Variants in SETD2 observed in about 807,000 individuals in gnomAD.
SETD2 encodes the protein histone-lysine N-methyltransferase SETD2.
Under a neutral mutation model 242.1 loss-of-function variants are expected in SETD2, and 31 were observed. That is an observed-to-expected ratio of 0.13 (90% CI 0.10 to 0.17). The LOEUF is 0.17. Among genes scored for constraint, SETD2 ranks in the 10% least tolerant of loss-of-function variants. The pLI is 1.00. For synonymous variants in SETD2, 1,006 were observed against 1,066.5 expected (o/e 0.94, Z 1.11); for missense variants, 2,481 against 3,046.3 (o/e 0.81, Z 4.37).
chr3:47,145,478 T>C, intron 1 of SETD2: 1 of 426,748 alleles, frequency 2.3e-6, no homozygotes, highest in Non-Finnish European at 4.8e-6. Flanking sequence ...TGCTGCAGCC[T>C]TGAACTCCTG....
intron 1 of SETD2, among the ~76,000 whole-genome samples, chr3:47,133,686 T>C (rs2106768357): frequency 6.6e-6 from 1 of 152,184 alleles, no homozygotes; most frequent in South Asian, 2.1e-4. Flanking sequence ...TGAGCCAACA[T>C]CACGCCACTG....
At chr3:47,150,486 GC>G (rs1367197798) in intron 1 of SETD2, among the ~76,000 whole-genome samples, 1 of 152,088 alleles carries the variant, frequency 6.6e-6, no homozygotes, top group Non-Finnish European at 1.5e-5. Flanking sequence ...AGGGTAAAGT[GC>G]AGCTTACCCT....
chr3:47,077,290 C>G (rs2041129531), intron 12 of SETD2, among the ~76,000 whole-genome samples: 1 of 152,080 alleles, frequency 6.6e-6, no homozygotes, highest in South Asian at 2.1e-4. Context: ...ACCATGTTGG[C>G]CAGGCTGGTC....
intron 16 of SETD2, 69 bp downstream of exon 16, chr3:47,046,418 A>C (rs984146614): frequency 7.2e-7 from 1 of 1,388,282 alleles, no homozygotes; most frequent in Non-Finnish European, 9.5e-7. Context: ...ACAAATCCAA[A>C]CCAAAAAGAA....
At chr3:47,037,639 G>A in intron 18 of SETD2, 27 bp downstream of exon 18, 2 of 1,553,384 alleles carry the variant, frequency 1.3e-6, no homozygotes, top group Non-Finnish European at 1.8e-6. Context: ...CAAATGATCA[G>A]GAAATACATG....
chr3:47,059,104 T>C (rs2040217635), intron 14 of SETD2, among the ~76,000 whole-genome samples: 1 of 122,442 alleles, frequency 8.2e-6, no homozygotes, highest in East Asian at 2.6e-4. Flanking sequence ...CCACCACGCC[T>C]GGCCTTTTTT....
intron 9 of SETD2, among the ~76,000 whole-genome samples, chr3:47,090,613 A>AT (rs1018176145): frequency 6.6e-6 from 1 of 152,016 alleles, no homozygotes; most frequent in Non-Finnish European, 1.5e-5. Context: ...GATGGTCTCG[A>AT]TCTCCTGATC....
intron 12 of SETD2, among the ~76,000 whole-genome samples, chr3:47,068,790 C>T (rs977092705): frequency 2.0e-5 from 3 of 151,668 alleles, no homozygotes; most frequent in Admixed American, 1.3e-4. Flanking sequence ...CCACTGCGCC[C>T]GGCCTATCTT....
intron 14 of SETD2, among the ~76,000 whole-genome samples, chr3:47,058,389 T>G (rs918155640): frequency 8.0e-6 from 1 of 125,726 alleles, no homozygotes; most frequent in Non-Finnish European, 1.5e-5. Context: ...GGGAGTGAGC[T>G]GAGACTACGC....
In SETD2 at chr3:47,062,346, G is replaced by A. The variant is rs914740277; in HGVS notation, c.6110C>T (p.Thr2037Ile). 6.3e-7 allele frequency: 1 copy of A among 1,578,334 alleles called. No homozygotes were observed. The highest frequency in any genetic ancestry group is 8.6e-7 in the Non-Finnish European group (1 of 1,167,336). The change falls in exon 14 of 21, where the codon ACA becomes ATA. Residue 2037 changes from threonine (T) to isoleucine (I), a missense_variant and splice_region_variant. This residue lies in a region of SETD2 where 80 missense variants were observed against 102.6 expected (regional missense o/e 0.78). Transcript: ENST00000409792. The stretch of plus-strand genomic sequence containing the variant: ...AACAGCATCCCTTCCTCGTTCAGTT[G>A]CTAAGGGAAAAGGGTGGTTTGTTTG... ...KKSQTEKENT[T>I]TERGRDAVGF...
chr3:47,067,484 G>A (rs1224625249), intron 12 of SETD2, among the ~76,000 whole-genome samples: 1 of 143,696 alleles, frequency 7.0e-6, no homozygotes, highest in South Asian at 2.1e-4. Flanking sequence ...GCATGATCTC[G>A]GCTCACTGCA....
chr3:47,111,353 A>AT (rs2042645207), intron 5 of SETD2, among the ~76,000 whole-genome samples: 2 of 152,138 alleles, frequency 1.3e-5, no homozygotes, highest in African/African-American at 2.4e-5. Flanking sequence ...TAAACAATTA[A>AT]AAACCAGTTA....
chr3:47,082,952 A>G (rs1399633254), intron 12 of SETD2, among the ~76,000 whole-genome samples: 2 of 152,218 alleles, frequency 1.3e-5, no homozygotes, highest in African/African-American at 4.8e-5. Context: ...ACAGAAAAAT[A>G]GAAGCTAGTT....
intron 14 of SETD2, among the ~76,000 whole-genome samples, chr3:47,061,260 A>G (rs1444111024): frequency 6.6e-6 from 1 of 152,170 alleles, no homozygotes; most frequent in Non-Finnish European, 1.5e-5. Context: ...GAAATGGCCA[A>G]TACAAACCTA....
intron 12 of SETD2, among the ~76,000 whole-genome samples, chr3:47,075,288 G>A (rs958157066): frequency 1.3e-5 from 2 of 152,022 alleles, no homozygotes; most frequent in African/African-American, 4.8e-5. Flanking sequence ...GGCTGGGCGC[G>A]GTGGCTCACA....
intron 1 of SETD2, among the ~76,000 whole-genome samples, chr3:47,130,573 GGTAAATAATA>G (rs2043453613): frequency 6.6e-6 from 1 of 151,992 alleles, no homozygotes; most frequent in African/African-American, 2.4e-5. Context: ...CACTTGTTTC[GGTAAATAATA>G]TCAAGAGCAA....
chr3:47,073,206 A>G (rs2040904380), intron 12 of SETD2, among the ~76,000 whole-genome samples: 1 of 152,148 alleles, frequency 6.6e-6, no homozygotes, highest in African/African-American at 2.4e-5. Flanking sequence ...AAAAGAACAG[A>G]CAAAACGCAG....
intron 11 of SETD2, among the ~76,000 whole-genome samples, chr3:47,085,791 A>G (rs1039274712): frequency 2.0e-5 from 3 of 152,168 alleles, no homozygotes; most frequent in Non-Finnish European, 4.4e-5. Flanking sequence ...GATTCCTCAA[A>G]ATGTTCATAC....
intron 16 of SETD2, among the ~76,000 whole-genome samples, chr3:47,045,580 C>T (rs1304044051): frequency 2.0e-5 from 3 of 148,152 alleles, no homozygotes; most frequent in African/African-American, 7.4e-5. Context: ...CACCTGTAGT[C>T]CCAGCTACTC....
Sources: allele counts gnomAD v4.1 joint callset (sites outside exome capture counted in the v4.1 genomes callset), GRCh38; gene constraint gnomAD v4.1.1; regional missense constraint gnomAD v4.1.1; transcripts MANE v1.5; gene names NCBI Gene and HGNC (gene_info 2026-07-23, HGNC 2026-07-21).